ADCY8: variants seen among roughly 807,000 people sequenced by gnomAD.
ADCY8 encodes adenylate cyclase 8.
In ADCY8, 51 loss-of-function variants were observed where a neutral mutation model predicts 119.7. The observed-to-expected ratio is 0.43, with a 90% CI of 0.34 to 0.54. ADCY8 has a LOEUF of 0.54. Ranked by LOEUF, ADCY8 falls within the 20% of genes least tolerant of loss-of-function variation. ADCY8 has a pLI of 0.03. For missense variants in ADCY8, 1,383 were observed against 1,598.8 expected (o/e 0.87, Z 2.30); for synonymous variants, 665 against 651.0 (o/e 1.02, Z -0.33).
At chr8:130,947,669 A>AT (rs1313222579) in intron 3 of ADCY8, among the ~76,000 whole-genome samples, 1 of 152,178 alleles carries the variant, frequency 6.6e-6, no homozygotes, top group Non-Finnish European at 1.5e-5. Context: ...AAAAACGAGG[A>AT]TTTTTTTGAT....
intron 10 of ADCY8, 61 bp downstream of exon 10, chr8:130,849,541 A>T: frequency 6.4e-7 from 1 of 1,569,712 alleles, no homozygotes; most frequent in Non-Finnish European, 8.8e-7. Context: ...TGCAGGCTCC[A>T]TAAACTTCAT....
At chr8:130,785,305 G>A in intron 16 of ADCY8, 78 bp downstream of exon 16, 1 of 956,264 alleles carries the variant, frequency 1.0e-6, no homozygotes, top group Non-Finnish European at 1.5e-6. Context: ...CTTGGTGACA[G>A]AGGCTTCACC....
intron 9 of ADCY8, among the ~76,000 whole-genome samples, chr8:130,867,142 G>A (rs13259311): frequency 0.016 from 2,368 of 152,206 alleles, 27 homozygotes; most frequent in Non-Finnish European, 0.023. Flanking sequence ...TAGAGGAGAG[G>A]AAAAAGCATA....
chr8:131,002,416 G>T (rs558653011), intron 1 of ADCY8, among the ~76,000 whole-genome samples: 39 of 152,268 alleles, frequency 2.6e-4, no homozygotes, highest in Middle Eastern at 6.8e-3. Flanking sequence ...TGAAGAAAGG[G>T]ATAAAAGAGG....
intron 3 of ADCY8, 35 bp from the exon 4 acceptor site, chr8:130,943,497 G>GGGGGGGGGGGCCCCCC: frequency 2.0e-6 from 1 of 491,354 alleles, no homozygotes; most frequent in Non-Finnish European, 4.2e-6. Flanking sequence ...GTGGGGGGAG[G>GGGGGGGGGGGCCCCCC]AAGTATATTA....
intron 5 of ADCY8, among the ~76,000 whole-genome samples, chr8:130,921,648 T>C (rs988416116): frequency 2.6e-5 from 4 of 152,000 alleles, no homozygotes; most frequent in African/African-American, 9.7e-5. Context: ...AGATGGGGTT[T>C]CTCCATGTTG....
At chr8:130,968,414 G>A (rs1195842050) in intron 2 of ADCY8, among the ~76,000 whole-genome samples, 3 of 152,108 alleles carry the variant, frequency 2.0e-5, no homozygotes, top group Non-Finnish European at 4.4e-5. Context: ...CTCGTGATCT[G>A]CCTGCCTCGG....
At chr8:130,936,073 ATGTGTGTGTGTGTG>A (rs35028784) in intron 5 of ADCY8, among the ~76,000 whole-genome samples, 8 of 147,174 alleles carry the variant, frequency 5.4e-5, no homozygotes, top group Middle Eastern at 6.9e-3. Flanking sequence ...AAGCACTGAC[ATGTGTGTGTGTGTG>A]TGTGTGTGTG....
At chr8:131,028,180 A>G (rs546138142) in intron 1 of ADCY8, among the ~76,000 whole-genome samples, 1 of 152,326 alleles carries the variant, frequency 6.6e-6, no homozygotes, top group South Asian at 2.1e-4. Context: ...CATAGCAAAA[A>G]CAGGAGGAGA....
At chr8:130,902,922 T>C (rs1188597322) in intron 7 of ADCY8, among the ~76,000 whole-genome samples, 5 of 152,022 alleles carry the variant, frequency 3.3e-5, no homozygotes, top group Non-Finnish European at 7.4e-5. Context: ...ATTGAACTTA[T>C]GTGAATTCAA....
intron 11 of ADCY8, 31 bp from the exon 12 acceptor site, chr8:130,836,480 C>A: frequency 1.2e-6 from 2 of 1,604,136 alleles, no homozygotes; most frequent in South Asian, 2.2e-5. Context: ...TGGTCAGATT[C>A]AATGGGGGCA....
At chr8:130,891,631 TTGTTA>T (rs775275131) in intron 7 of ADCY8, among the ~76,000 whole-genome samples, 15 of 152,166 alleles carry the variant, frequency 9.9e-5, no homozygotes, top group Non-Finnish European at 2.1e-4. Context: ...AGGAGAATGC[TTGTTA>T]TGTTTGAAAA....
Position 130,836,375 on chromosome 8 carries a change from C to T in ADCY8, c.2577G>A (p.Leu859=). The T allele has an allele frequency of 1.2e-6, 2 of 1,613,992 alleles. No individual in the cohort carries two copies. The highest frequency in any genetic ancestry group is 1.7e-6 in the Non-Finnish European group (2 of 1,179,918). The change falls in exon 12 of 18, where the codon CTG becomes CTA. Residue 859 remains leucine, a synonymous_variant. Coordinates refer to ENST00000286355, the MANE Select transcript of ADCY8 (RefSeq NM_001115.3). ...TGGCAATCATGATCAGCAGCACTGC[C>T]AGCTTCAGGACGGAGTTCAGCCGGA... ...VFLRLNSVLK[L]AVLLIMIAIY...
At chr8:130,899,119 T>C (rs1001971755) in intron 7 of ADCY8, among the ~76,000 whole-genome samples, 2 of 152,216 alleles carry the variant, frequency 1.3e-5, no homozygotes, top group African/African-American at 2.4e-5. Context: ...TCTGCACTGC[T>C]TTTCCTCTGT....
chr8:130,960,111 T>G (rs562175192), intron 2 of ADCY8, among the ~76,000 whole-genome samples: 1 of 152,236 alleles, frequency 6.6e-6, no homozygotes, highest in African/African-American at 2.4e-5. Context: ...ACCAAATTCA[T>G]GGCAGTGGAG....
chr8:130,814,895 G>C (rs976002310), intron 13 of ADCY8, among the ~76,000 whole-genome samples: 1 of 152,182 alleles, frequency 6.6e-6, no homozygotes, highest in Admixed American at 6.5e-5. Context: ...CGTCAGAGGT[G>C]CTTCTATCTG....
chr8:130,827,194 C>T (rs995994676), intron 12 of ADCY8, among the ~76,000 whole-genome samples: 1 of 152,146 alleles, frequency 6.6e-6, no homozygotes, highest in Non-Finnish European at 1.5e-5. Context: ...TGGAAGTCTT[C>T]ATTAAGGTTT....
chr8:130,845,768 G>A (rs1335993332), intron 11 of ADCY8, among the ~76,000 whole-genome samples: 3 of 151,926 alleles, frequency 2.0e-5, no homozygotes, highest in Admixed American at 1.3e-4. Context: ...TCTCCTCTAG[G>A]GACCAGGGAA....
chr8:130,967,055 A>G (rs2130696490), intron 2 of ADCY8, among the ~76,000 whole-genome samples: 1 of 152,364 alleles, frequency 6.6e-6, no homozygotes, highest in East Asian at 1.9e-4. Context: ...AAAACTGTTA[A>G]TAATTTGAAA....
Sources: gnomAD v4.1 joint callset for allele counts (sites outside exome capture counted in the v4.1 genomes callset) on GRCh38, gnomAD v4.1.1 for gene constraint, MANE v1.5 for transcripts, NCBI Gene and HGNC (gene_info 2026-07-23, HGNC 2026-07-21) for gene names.